Variants in GRIK1 observed in about 807,000 individuals in gnomAD.
GRIK1 encodes glutamate receptor ionotropic, kainate 1.
A neutral mutation model predicts 105.7 loss-of-function variants in GRIK1; 69 were observed. That is an observed-to-expected ratio of 0.65 (90% CI 0.54 to 0.80). The LOEUF (loss-of-function observed/expected upper bound fraction) is 0.80. Ranked by LOEUF, GRIK1 falls within the 30% of genes least tolerant of loss-of-function variation. GRIK1 has a pLI of 0.00. For synonymous variants in GRIK1, 438 were observed against 431.3 expected, an observed-to-expected ratio of 1.02 and a Z score of -0.19; for missense variants, 1,109 against 1,167.3, an observed-to-expected ratio of 0.95 and a Z score of 0.73.
intron 1 of GRIK1, among the ~76,000 whole-genome samples, chr21:29,893,679 G>A (rs2069994491): frequency 6.6e-6 from 1 of 152,194 alleles, no homozygotes; most frequent in African/African-American, 2.4e-5. Flanking sequence ...TGCGTGTTGG[G>A]CACTGAATTG....
chr21:29,888,254 TTTCC>T (rs1299015372), intron 1 of GRIK1, among the ~76,000 whole-genome samples: 33 of 136,416 alleles, frequency 2.4e-4, no homozygotes, highest in African/African-American at 4.9e-4. Flanking sequence ...TCCTTCTTTC[TTTCC>T]TTCCTTCCTT....
intron 1 of GRIK1, among the ~76,000 whole-genome samples, chr21:29,914,028 G>T (rs2070909859): frequency 6.6e-6 from 1 of 151,940 alleles, no homozygotes; most frequent in South Asian, 2.1e-4. Flanking sequence ...TTTAGTTTAT[G>T]GCAGGTTTTC....
chr21:29,767,864 ATG>A (rs60618188), intron 1 of GRIK1, among the ~76,000 whole-genome samples: 22,906 of 146,976 alleles, frequency 0.16, 1,789 homozygotes, highest in African/African-American at 0.22. Context: ...GCTGAAATTC[ATG>A]TGTGTGTGTG....
intron 1 of GRIK1, among the ~76,000 whole-genome samples, chr21:29,719,128 T>A (rs2146848630): frequency 6.7e-6 from 1 of 149,306 alleles, no homozygotes; most frequent in East Asian, 2.0e-4. Context: ...ATTGCAGTTT[T>A]GCCATTGAAA....
At chr21:29,576,885 C>A in intron 14 of GRIK1, 79 bp downstream of exon 14, 1 of 714,900 alleles carries the variant, frequency 1.4e-6, no homozygotes, top group Non-Finnish European at 2.2e-6. Flanking sequence ...TTTTCTTTTT[C>A]TTTTTTTTTT....
At chr21:29,901,466 A>T (rs2070404442) in intron 1 of GRIK1, among the ~76,000 whole-genome samples, 1 of 152,214 alleles carries the variant, frequency 6.6e-6, no homozygotes, top group Non-Finnish European at 1.5e-5. Context: ...AGGGGATATC[A>T]CCACCGATCC....
chr21:29,667,448 A>T (rs1322249177), intron 4 of GRIK1, among the ~76,000 whole-genome samples: 3 of 146,586 alleles, frequency 2.0e-5, no homozygotes, highest in African/African-American at 7.5e-5. Flanking sequence ...AAGAGATTTA[A>T]AAAAAAAGTG....
chr21:29,645,502 T>C (rs1158491803), intron 6 of GRIK1, among the ~76,000 whole-genome samples: 2 of 152,184 alleles, frequency 1.3e-5, no homozygotes, highest in Non-Finnish European at 2.9e-5. Context: ...GGCTCCATAT[T>C]GGGAAAGGCA....
chr21:29,757,708 T>G, intron 1 of GRIK1, among the ~76,000 whole-genome samples: 1 of 152,102 alleles, frequency 6.6e-6, no homozygotes, highest in Admixed American at 6.5e-5. Flanking sequence ...TTAAGCAGGG[T>G]TTTTCAACTT....
At chr21:29,924,804 T>A (rs548808713) in intron 1 of GRIK1, among the ~76,000 whole-genome samples, 1 of 152,314 alleles carries the variant, frequency 6.6e-6, no homozygotes, top group South Asian at 2.1e-4. Context: ...GTACCTTATT[T>A]GGGTTTCTTA....
intron 1 of GRIK1, chr21:29,763,956 G>C (rs142570066): frequency 5.9e-5 from 9 of 151,828 alleles, no homozygotes; most frequent in African/African-American, 1.9e-4. Flanking sequence ...TCCAAGTACT[G>C]AATAAAATGC....
chr21:29,737,805 C>T (rs2064830350), intron 1 of GRIK1, among the ~76,000 whole-genome samples: 1 of 152,196 alleles, frequency 6.6e-6, no homozygotes, highest in Non-Finnish European at 1.5e-5. Context: ...AGCATTGATG[C>T]AATGAACAAA....
At chr21:29,581,694 G>T in intron 12 of GRIK1, 151 bp from the exon 13 acceptor site, 1 of 571,856 alleles carries the variant, frequency 1.7e-6, no homozygotes, top group Non-Finnish European at 3.1e-6. Context: ...TAAACTTACA[G>T]CTTTGGTGGG....
chr21:29,864,099 ATT>A (rs896004888), intron 1 of GRIK1, among the ~76,000 whole-genome samples: 5 of 144,054 alleles, frequency 3.5e-5, no homozygotes, highest in African/African-American at 1.0e-4. Flanking sequence ...TATTTAACAG[ATT>A]TTTTTTTTTT....
At chr21:29,848,528 A>G (rs1266519819) in intron 1 of GRIK1, among the ~76,000 whole-genome samples, 2 of 152,180 alleles carry the variant, frequency 1.3e-5, no homozygotes, top group Middle Eastern at 3.4e-3. Context: ...GTTTTTATCC[A>G]GAAATCCTGC....
At chr21:29,642,725 G>A in intron 7 of GRIK1, 101 bp downstream of exon 7, 1 of 994,056 alleles carries the variant, frequency 1.0e-6, no homozygotes, top group East Asian at 2.4e-5. Context: ...CTCTCTCTTA[G>A]GGGCATCATG....
Position 29,919,018 on chromosome 21 carries a change from G to A in GRIK1, c.118+20365C>T, listed in dbSNP as rs7280036. On this transcript the variant is annotated intron_variant, in intron 1 of 17. Coordinates refer to ENST00000327783, the MANE Select transcript of GRIK1 (RefSeq NM_001330994.2). ...GCAACAGCTCTAAGCTACCAGCAAT[G>A]TATCAATCCTAGGGGTAAAGGGTCA... 9.3e-3 allele frequency among the ~76,000 whole-genome samples: 1,413 copies of A among 151,922 alleles called. 23 individuals carry two copies. Among genetic ancestry groups the A allele is most frequent in the African/African-American group, 0.033 (1,348 of 41,466 alleles).
At chr21:29,861,693 G>A (rs1323889160) in intron 1 of GRIK1, 3 of 454,704 alleles carry the variant, frequency 6.6e-6, no homozygotes, top group South Asian at 1.6e-5. Flanking sequence ...TTTGCCAAAT[G>A]TATTTTCTGC....
intron 1 of GRIK1, among the ~76,000 whole-genome samples, chr21:29,894,173 G>A (rs1381577582): frequency 6.6e-6 from 1 of 152,158 alleles, no homozygotes; most frequent in Non-Finnish European, 1.5e-5. Context: ...GTATATATGA[G>A]ATGGAGTTTA....
Sources: allele counts gnomAD v4.1 joint callset (sites outside exome capture counted in the v4.1 genomes callset), GRCh38; gene constraint gnomAD v4.1.1; transcripts MANE v1.5; gene names NCBI Gene and HGNC (gene_info 2026-07-23, HGNC 2026-07-21).